The following CRIPT variants were observed in gnomAD, a reference collection of about 807,000 sequenced individuals.
The protein encoded by CRIPT is CXXC repeat containing interactor of PDZ3 domain, also known as cysteine-rich PDZ-binding protein.
CRIPT carries 20 observed loss-of-function variants against 16.6 expected under a neutral mutation model. That is an observed-to-expected ratio of 1.20 (90% CI 0.85 to 1.75). The LOEUF (loss-of-function observed/expected upper bound fraction) is 1.75. Ranked by LOEUF, CRIPT falls within the 40% of genes most tolerant of loss-of-function variation. CRIPT has a pLI of 0.00. For synonymous variants in CRIPT, 42 were observed against 37.0 expected (o/e 1.14, Z -0.49); for missense variants, 133 against 115.3 (o/e 1.15, Z -0.70).
chr2:46,617,669 C>G (rs554051168), intron 1 of CRIPT, among the ~76,000 whole-genome samples: 1 of 152,280 alleles, frequency 6.6e-6, no homozygotes, highest in South Asian at 2.1e-4. Flanking sequence ...CTGCCAAATG[C>G]TAGACACTAG....
intron 3 of CRIPT, among the ~76,000 whole-genome samples, chr2:46,622,302 A>G (rs6752882): frequency 0.51 from 76,898 of 150,916 alleles, 21,271 homozygotes; most frequent in African/African-American, 0.73. Flanking sequence ...CCTACGAGGC[A>G]GAGCTTGCAG....
At position 46,618,688 on chromosome 2, in the gene CRIPT, G is replaced by A. The variant is rs953780177; in HGVS notation, c.17-85G>A. ...TCCTACGGTAATACCATTGATAGTCGATACCATTGTGAACCTTAGGCACAA... is the reference window on the plus strand; with the variant it reads ...TCCTACGGTAATACCATTGATAGTCAATACCATTGTGAACCTTAGGCACAA... On this transcript the variant is annotated intron_variant, in intron 1 of 4. Transcript: ENST00000238892. 3.1e-5 allele frequency: 25 copies of A among 795,998 alleles called. No individual in the cohort carries two copies. In the African/African-American group the frequency reaches 4.1e-4, roughly 13 times the overall value. The allele number at this position is 795,998 out of a possible 1,614,324, so 49.3% of individuals were successfully genotyped here.
rs1373000227 is a variant in CRIPT at position 46,625,368 on chromosome 2, C to CCT, written c.*1148_*1149dup. ...TACAGGTGTGAGCCACAGAACTTGGCCTCTCTCTTTTTTTTTTTTTTTTTT... is the reference window on the plus strand; with the variant it reads ...TACAGGTGTGAGCCACAGAACTTGGCCTCTCTCTCTTTTTTTTTTTTTTTTTT... On this transcript the variant is annotated 3_prime_UTR_variant, in exon 5 of 5. Coordinates refer to ENST00000238892, the MANE Select transcript of CRIPT (RefSeq NM_014171.6). 8.0e-5 allele frequency: 11 copies of CCT among 137,784 alleles called. 1 individual carries two copies. The highest frequency in any genetic ancestry group is 1.1e-4 in the Non-Finnish European group (7 of 65,080). 8.5% of individuals were successfully genotyped at this position (137,784 alleles called of 1,614,324 possible).
intron 3 of CRIPT, among the ~76,000 whole-genome samples, chr2:46,621,057 T>G (rs1235030816): frequency 2.0e-5 from 3 of 152,200 alleles, no homozygotes; most frequent in Non-Finnish European, 1.5e-5. Flanking sequence ...CAAACCACTG[T>G]TATTTCTTAC....
chr2:46,617,252 G>GC lies in CRIPT; in HGVS notation c.-31_-30insC, dbSNP rs1553428170. ...TTTTCAGCCTGCTGCTGCTGCTGCT[G>GC]TTGCGGCTAGGGGAACCGTCGTGGG... On this transcript the variant is annotated 5_prime_UTR_variant, in exon 1 of 5. Transcript: ENST00000238892. The GC allele has an allele frequency of 7.1e-6, 11 of 1,553,684 alleles. No individual in the cohort carries two copies. In the African/African-American group the frequency reaches 1.5e-4, roughly 21 times the overall value.
rs1465941732 is a variant in CRIPT, at chr2:46,629,765, G to T, written c.*5538G>T. ...TTGGGTAAGATGTCCAGTTTCTCCA[G>T]TGTATCGTTATTGTTTTTCCTTTTG... is the stretch of plus-strand genomic sequence containing the variant. On this transcript the variant is annotated 3_prime_UTR_variant, in exon 5 of 5. Transcript: ENST00000238892. Among the ~76,000 whole-genome samples the T allele has an allele frequency of 6.6e-6, 1 of 152,160 alleles. No homozygotes were observed. Among genetic ancestry groups the T allele is most frequent in the Non-Finnish European group, 1.5e-5 (1 of 68,026 alleles).
chr2:46,629,014 A>C lies in CRIPT; in HGVS notation c.*4787A>C, dbSNP rs72877462. 9.8e-3 allele frequency among the ~76,000 whole-genome samples: 1,497 copies of C among 152,360 alleles called. 25 individuals are homozygous for C. The highest frequency in any genetic ancestry group is 0.034 in the African/African-American group (1,426 of 41,592). On this transcript the variant is annotated 3_prime_UTR_variant, in exon 5 of 5. Transcript: ENST00000238892. ...GATTGTAATATAAAAGATACTAGAA[A>C]CAAATGCCAATAGAACACTTAAGTA...
Position 46,626,935 on chromosome 2 carries a change from C to T in CRIPT, c.*2708C>T, listed in dbSNP as rs997943682. Among the ~76,000 whole-genome samples, 5 of 152,090 alleles carry T rather than the reference C, an allele frequency of 3.3e-5. No individual in the cohort carries two copies. The highest frequency in any genetic ancestry group is 4.1e-4 in the South Asian group (2 of 4,824). On this transcript the variant is annotated 3_prime_UTR_variant, in exon 5 of 5. Transcript: ENST00000238892. ...GCAACCTCCACCTCCCGGGTTCAAG[C>T]GATTCTCCTGCCCCAGCCTCCTGAG...
intron 4 of CRIPT, 121 bp from the exon 5 acceptor site, chr2:46,624,041 AT>A (rs11333819): frequency 0.31 from 114,469 of 373,438 alleles, 17,473 homozygotes; most frequent in Middle Eastern, 0.39. Context: ...ATATATATAT[AT>A]TTTTTTTTTC....
rs1670938523 is a variant in CRIPT at position 46,626,326 on chromosome 2, C to T, written c.*2099C>T. ...TGTATATGTACCAATTTTCTTTATC[C>T]AGTCCACTATTAATGAGCATCTAGG... On this transcript the variant is annotated 3_prime_UTR_variant, in exon 5 of 5. Transcript: ENST00000238892. 6.6e-6 allele frequency among the ~76,000 whole-genome samples: 1 copy of T among 152,120 alleles called. No individual in the cohort carries two copies.
chr2:46,619,827 A>T (rs1670760191), intron 3 of CRIPT, 146 bp downstream of exon 3: 1 of 570,852 alleles, frequency 1.8e-6, no homozygotes. Context: ...TATCTGTTAT[A>T]ATCCTGCTGG....
rs1187429998 is a variant in CRIPT, at chr2:46,626,483, C to G, written c.*2256C>G. 1.3e-5 allele frequency among the ~76,000 whole-genome samples: 2 copies of G among 152,134 alleles called. No homozygotes were observed. Among genetic ancestry groups the G allele is most frequent in the Non-Finnish European group, 1.5e-5 (1 of 68,024 alleles). On this transcript the variant is annotated 3_prime_UTR_variant, in exon 5 of 5. Coordinates refer to ENST00000238892, the MANE Select transcript of CRIPT (RefSeq NM_014171.6). The stretch of plus-strand genomic sequence containing the variant: ...GGGATTGCTGGTTCAAATGGTAGTT[C>G]TGTTTTAACTTCTTTGAGAAATCTC...
rs528672541 is a variant in CRIPT at position 46,627,280 on chromosome 2, A to G, written c.*3053A>G. ...GTATTGATAGTTCCTTTTGCGGTGC[A>G]GAAGCTCTTTAGTTTGATTAGGTTC... On this transcript the variant is annotated 3_prime_UTR_variant, in exon 5 of 5. Coordinates refer to ENST00000238892, the MANE Select transcript of CRIPT (RefSeq NM_014171.6). Among the ~76,000 whole-genome samples the G allele has an allele frequency of 1.8e-4, 28 of 152,250 alleles. No homozygotes were observed. Among genetic ancestry groups the G allele is most frequent in the Non-Finnish European group, 2.6e-4 (18 of 68,030 alleles).
At chr2:46,622,229 G>A (rs968664931) in intron 3 of CRIPT, among the ~76,000 whole-genome samples, 1 of 151,972 alleles carries the variant, frequency 6.6e-6, no homozygotes, top group African/African-American at 2.4e-5. Flanking sequence ...AATTAGCCGG[G>A]CGTGGTGGCG....
At position 46,627,444 on chromosome 2, in the gene CRIPT, T is replaced by G. The variant is rs1670966403; in HGVS notation, c.*3217T>G. ...GCTTGAAGTCTTACATTTAAATCTT[T>G]TTTTTTTTTTTTCCCCAAAGACAGA... On this transcript the variant is annotated 3_prime_UTR_variant, in exon 5 of 5. Coordinates refer to ENST00000238892, the MANE Select transcript of CRIPT (RefSeq NM_014171.6). Among the ~76,000 whole-genome samples, 1 of 151,420 alleles carries G rather than the reference T, an allele frequency of 6.6e-6. No individual in the cohort carries two copies. Among genetic ancestry groups the G allele is most frequent in the African/African-American group, 2.4e-5 (1 of 41,288 alleles).
At position 46,627,111 on chromosome 2, in the gene CRIPT, G is replaced by A. The variant is rs1196986009; in HGVS notation, c.*2884G>A. Among the ~76,000 whole-genome samples, 2 of 152,130 alleles carry A rather than the reference G, an allele frequency of 1.3e-5. No individual in the cohort carries two copies. The highest frequency in any genetic ancestry group is 2.9e-5 in the Non-Finnish European group (2 of 68,026). ...GCCTCCCAAAGTGCTGGGATTACAG[G>A]AGTGAGCCACCACACCTGGCCACGA... On this transcript the variant is annotated 3_prime_UTR_variant, in exon 5 of 5. Transcript: ENST00000238892.
At chr2:46,624,119 T>C (rs1440421708) in intron 4 of CRIPT, 44 bp from the exon 5 acceptor site, 1 of 1,391,240 alleles carries the variant, frequency 7.2e-7, no homozygotes, top group Non-Finnish European at 9.7e-7. Flanking sequence ...AACCAAACAG[T>C]TGGTATTATG....
Position 46,618,796 on chromosome 2 carries a change from A to G in CRIPT, c.40A>G (p.Ile14Val), listed in dbSNP as rs1490740836. 6 of 1,606,942 alleles carry G rather than the reference A, an allele frequency of 3.7e-6. No homozygotes were observed. The highest frequency in any genetic ancestry group is 4.3e-6 in the Non-Finnish European group (5 of 1,176,048). The change falls in exon 2 of 5, where the codon ATC (isoleucine) becomes GTC (valine). Residue 14 changes from isoleucine (I) to valine (V), a missense_variant. By Grantham distance (29) the Ile-to-Val change is conservative. Transcript: ENST00000238892. Reference sequence around the variant, plus strand: ...AGGTGAAAAGAAACTTGGTACTGTTATCACTCCAGATACATGGAAAGATGG... The same window carrying G: ...AGGTGAAAAGAAACTTGGTACTGTTGTCACTCCAGATACATGGAAAGATGG... ...EKCEKKLGTV[I>V]TPDTWKDGAR...
intron 3 of CRIPT, among the ~76,000 whole-genome samples, chr2:46,621,751 A>G (rs900596193): frequency 1.3e-5 from 2 of 152,362 alleles, no homozygotes; most frequent in South Asian, 2.1e-4. Flanking sequence ...AATAACAACA[A>G]TAAAGCCTTA....
Sources: gnomAD v4.1 joint callset for allele counts (sites outside exome capture counted in the v4.1 genomes callset) on GRCh38, gnomAD v4.1.1 for gene constraint, MANE v1.5 for transcripts, NCBI Gene and HGNC (gene_info 2026-07-23, HGNC 2026-07-21) for gene names.